The following TNKS2 variants were observed in gnomAD, a reference collection of about 807,000 sequenced individuals.
The protein encoded by TNKS2 is tankyrase 2, also known as poly [ADP-ribose] polymerase tankyrase-2.
In TNKS2, 72 loss-of-function variants were observed where a neutral mutation model predicts 137.6. The observed-to-expected ratio is 0.52, with a 90% CI of 0.43 to 0.64. TNKS2 has a LOEUF of 0.64. TNKS2 is among the 30% of genes least tolerant of loss of function. The pLI is 0.00. For missense variants in TNKS2, 1,049 were observed against 1,410.2 expected (o/e 0.74, Z 4.10); for synonymous variants, 516 against 512.1 (o/e 1.01, Z -0.10).
At chr10:91,817,089 G>T in intron 2 of TNKS2, 45 bp from the exon 3 acceptor site, 1 of 1,364,270 alleles carries the variant, frequency 7.3e-7, no homozygotes, top group Non-Finnish European at 1.0e-6. Context: ...AAATCAAGTT[G>T]TTAAGATTAC....
chr10:91,842,537 G>A, intron 16 of TNKS2, 146 bp downstream of exon 16: 1 of 721,958 alleles, frequency 1.4e-6, no homozygotes, highest in Non-Finnish European at 2.2e-6. Context: ...ACTTTATGAG[G>A]CTAAGGCAGG....
Position 91,828,270 on chromosome 10 carries a change from T to A in TNKS2, c.983-15T>A. 1 of 1,551,870 alleles carries A rather than the reference T, an allele frequency of 6.4e-7. No homozygotes were observed. The highest frequency in any genetic ancestry group is 8.7e-7 in the Non-Finnish European group (1 of 1,152,924). On this transcript the variant is annotated splice_polypyrimidine_tract_variant and intron_variant, in intron 8 of 26. Coordinates refer to ENST00000371627, the MANE Select transcript of TNKS2 (RefSeq NM_025235.4). Reference sequence around the variant, plus strand: ...TTGAACTCGTTATACATGTAAATGCTTTTTCTTCATCTAGATGAATTTAAA... The same window carrying A: ...TTGAACTCGTTATACATGTAAATGCATTTTCTTCATCTAGATGAATTTAAA...
intron 5 of TNKS2, 134 bp from the exon 6 acceptor site, chr10:91,819,805 T>C (rs1844825874): frequency 1.3e-6 from 1 of 761,898 alleles, no homozygotes; most frequent in Non-Finnish European, 2.0e-6. Context: ...TGTTGGATTT[T>C]GTAAAACCAA....
Position 91,799,420 on chromosome 10 carries a change from T to C in TNKS2, c.199+531T>C, listed in dbSNP as rs552246031. ...TCAGAATAGCCAATCATTACCAAGT[T>C]TCTGGAGTGACTAGAACGGGAAATA... On this transcript the variant is annotated intron_variant, in intron 1 of 26. Coordinates refer to ENST00000371627, the MANE Select transcript of TNKS2 (RefSeq NM_025235.4). Among the ~76,000 whole-genome samples, 4 of 152,330 alleles carry C rather than the reference T, an allele frequency of 2.6e-5. No homozygotes were observed. In the South Asian group the frequency reaches 8.3e-4, roughly 32 times the overall value.
At chr10:91,828,806 C>A (rs1421687223) in intron 9 of TNKS2, among the ~76,000 whole-genome samples, 6 of 152,016 alleles carry the variant, frequency 3.9e-5, no homozygotes, top group Admixed American at 2.0e-4. Context: ...TTGGTGTAGT[C>A]CCTTCCTTCT....
intron 7 of TNKS2, 69 bp downstream of exon 7, chr10:91,822,431 G>A: frequency 1.6e-6 from 2 of 1,270,040 alleles, no homozygotes; most frequent in South Asian, 1.3e-5. Flanking sequence ...ACATTAGTAT[G>A]TCTGGGTTTC....
At chr10:91,809,779 T>G (rs1206847788) in intron 1 of TNKS2, among the ~76,000 whole-genome samples, 1 of 152,176 alleles carries the variant, frequency 6.6e-6, no homozygotes, top group Non-Finnish European at 1.5e-5. Flanking sequence ...GATTCATTTA[T>G]TCACGCAATT....
At chr10:91,840,042 T>C (rs760531380) in intron 13 of TNKS2, among the ~76,000 whole-genome samples, 12 of 152,218 alleles carry the variant, frequency 7.9e-5, no homozygotes, top group East Asian at 1.9e-4. Flanking sequence ...AAAAGTAGAA[T>C]ATAAAGGCAT....
Position 91,842,266 on chromosome 10 carries a change from G to A in TNKS2, c.1934G>A (p.Gly645Glu). 1 of 1,614,036 alleles carries A rather than the reference G, an allele frequency of 6.2e-7. No homozygotes were observed. The highest frequency in any genetic ancestry group is 8.5e-7 in the Non-Finnish European group (1 of 1,179,922). ...GDTDIQDLLR[G>E]DAALLDAAKK... ...ACAGATATTCAAGATCTGCTTAGGG[G>A]AGATGCAGCTTTGCTAGATGCTGCC... Residue 645 changes from glycine to glutamate, a missense_variant, in exon 16 of 27, where the codon GGA becomes GAA. Physicochemically the swap from Gly to Glu is moderately conservative, Grantham distance 98. Transcript: ENST00000371627.
chr10:91,859,487 C>G lies in TNKS2; in HGVS notation c.3120C>G (p.Ile1040Met). ...FHGSPFVNAI[I>M]HKGFDERHAY... ...GGTCTCCTTTTGTGAATGCAATTAT[C>G]CACAAAGGCTTTGATGAAAGGCATG... is the stretch of plus-strand genomic sequence containing the variant. The change falls in exon 25 of 27, where the codon ATC becomes ATG. Residue 1040 changes from isoleucine (I) to methionine (M), a missense_variant. Transcript: ENST00000371627. The G allele has an allele frequency of 6.2e-7, 1 of 1,608,940 alleles. No homozygotes were observed. Among genetic ancestry groups the G allele is most frequent in the Admixed American group, 1.7e-5 (1 of 59,264 alleles).
At chr10:91,815,783 G>A (rs1844673459) in intron 2 of TNKS2, among the ~76,000 whole-genome samples, 1 of 151,856 alleles carries the variant, frequency 6.6e-6, no homozygotes, top group African/African-American at 2.4e-5. Context: ...GTATATATAG[G>A]AGTAGAGCAG....
rs1844358874 is a variant in TNKS2 at position 91,807,392 on chromosome 10, C to T, written c.200-5591C>T. The T allele has an allele frequency of 5.0e-6, 8 of 1,614,142 alleles. No individual in the cohort carries two copies. The South Asian group carries it at 6.6e-5, about 13-fold the overall frequency. On this transcript the variant is annotated intron_variant, in intron 1 of 26. Transcript: ENST00000371627. Reference sequence around the variant, plus strand: ...CCTTCATAGGGTCAGCGAGGTAAAGCTTCTCGGCAGCGCGGCTGAACTCCT... The same window carrying T: ...CCTTCATAGGGTCAGCGAGGTAAAGTTTCTCGGCAGCGCGGCTGAACTCCT...
chr10:91,846,706 G>A (rs1842385625), intron 18 of TNKS2, among the ~76,000 whole-genome samples: 1 of 148,658 alleles, frequency 6.7e-6, no homozygotes, highest in African/African-American at 2.6e-5. Flanking sequence ...AAGAAACTGA[G>A]GTAGTTCAGC....
intron 1 of TNKS2, among the ~76,000 whole-genome samples, chr10:91,803,911 A>G (rs975731246): frequency 1.3e-5 from 2 of 152,202 alleles, no homozygotes; most frequent in African/African-American, 2.4e-5. Context: ...CCTTTGGACT[A>G]TGAAAGACAG....
chr10:91,806,012 C>T (rs1308420648), intron 1 of TNKS2, among the ~76,000 whole-genome samples: 2 of 148,470 alleles, frequency 1.3e-5, no homozygotes, highest in African/African-American at 2.5e-5. Context: ...TGACATTTTC[C>T]TACTTGGCTT....
rs142457173 is a variant in TNKS2 at position 91,828,027 on chromosome 10, A to T, written c.983-258A>T. 3.2e-3 allele frequency among the ~76,000 whole-genome samples: 484 copies of T among 152,294 alleles called. 4 individuals carry two copies. Among genetic ancestry groups the T allele is most frequent in the Non-Finnish European group, 3.3e-3 (225 of 68,008 alleles). ...CCCAAAATGAATTACGAATTAAAAC[A>T]GACCATGAATCTGCCGTGGGCTAAA... On this transcript the variant is annotated intron_variant, in intron 8 of 26. Coordinates refer to ENST00000371627, the MANE Select transcript of TNKS2 (RefSeq NM_025235.4).
chr10:91,803,349 A>G (rs1844233994), intron 1 of TNKS2, among the ~76,000 whole-genome samples: 1 of 152,136 alleles, frequency 6.6e-6, no homozygotes, highest in South Asian at 2.1e-4. Flanking sequence ...CCTCATCTCT[A>G]CAAGAAAATA....
At position 91,837,006 on chromosome 10, in the gene TNKS2, A is replaced by G; in HGVS notation, c.1527+8A>G. 1 of 1,612,406 alleles carries G rather than the reference A, an allele frequency of 6.2e-7. No homozygotes were observed. Among genetic ancestry groups the G allele is most frequent in the Non-Finnish European group, 8.5e-7 (1 of 1,179,228 alleles). On this transcript the variant is annotated splice_region_variant and intron_variant, in intron 13 of 26. Coordinates refer to ENST00000371627, the MANE Select transcript of TNKS2 (RefSeq NM_025235.4). ...GATGTCGAAACTGTAAAAGTAAGAT[A>G]CAGTGTTACGTTTCTGTTAACTTTG...
In TNKS2 at chr10:91,841,320, CATT is replaced by C; in HGVS notation, c.1714_1716del (p.Tyr572del). On this transcript the variant is annotated inframe_deletion, in exon 15 of 27. Coordinates refer to ENST00000371627, the MANE Select transcript of TNKS2 (RefSeq NM_025235.4). The stretch of plus-strand genomic sequence containing the variant: ...TTTGCACAATGCATGTTCTTATGGA[CATT>C]ATGAAGTTGCAGAACTTCTTGTTAA... 6.2e-7 allele frequency: 1 copy of C among 1,600,316 alleles called. No individual in the cohort carries two copies. Among genetic ancestry groups the C allele is most frequent in the Non-Finnish European group, 8.5e-7 (1 of 1,173,662 alleles).
Sources: allele counts gnomAD v4.1 joint callset (sites outside exome capture counted in the v4.1 genomes callset), GRCh38; gene constraint gnomAD v4.1.1; transcripts MANE v1.5; gene names NCBI Gene and HGNC (gene_info 2026-07-23, HGNC 2026-07-21).